The following MINPP1 variants were observed in gnomAD, a reference collection of about 807,000 sequenced individuals.
MINPP1 encodes the protein multiple inositol-polyphosphate phosphatase 1.
MINPP1 carries 28 observed loss-of-function variants against 46.1 expected under a neutral mutation model. That is an observed-to-expected ratio of 0.61 (90% confidence interval 0.45 to 0.83). MINPP1 has a LOEUF of 0.83. Ranked by LOEUF, MINPP1 falls within the 40% of genes least tolerant of loss-of-function variation. The pLI, the probability that MINPP1 is intolerant of heterozygous loss-of-function variation, is 0.00. For synonymous variants in MINPP1, 268 were observed against 249.1 expected (o/e 1.08, Z -0.72); for missense variants, 603 against 610.0 (o/e 0.99, Z 0.12).
Position 87,552,306 on chromosome 10 carries a change from A to T in MINPP1, c.1292A>T (p.Gln431Leu). 6.2e-7 allele frequency: 1 copy of T among 1,613,846 alleles called. No individual in the cohort carries two copies. Among genetic ancestry groups the T allele is most frequent in the Non-Finnish European group, 8.5e-7 (1 of 1,179,818 alleles). Residue 431 changes from glutamine to leucine, a missense_variant, in exon 5 of 5, where the codon CAA becomes CTA. Physicochemically the swap from Gln to Leu is moderately radical, Grantham distance 113. Coordinates refer to ENST00000371996, the MANE Select transcript of MINPP1 (RefSeq NM_004897.5). ...HCENAKTPKE[Q>L]FRVQMLLNEK... is the part of the protein sequence containing the mutation. ...GAAAATGCTAAGACTCCTAAAGAAC[A>T]ATTCCGAGTGCAGATGTTATTAAAT...
intron 3 of MINPP1, among the ~76,000 whole-genome samples, chr10:87,513,733 A>G (rs1037425751): frequency 2.6e-5 from 4 of 152,160 alleles, no homozygotes; most frequent in Admixed American, 6.5e-5. Context: ...CACTCTCTCT[A>G]CTATATTAGT....
chr10:87,508,538 T>A lies in MINPP1; in HGVS notation c.835+5T>A. 6.2e-7 allele frequency: 1 copy of A among 1,608,100 alleles called. No individual in the cohort carries two copies. Among genetic ancestry groups the A allele is most frequent in the East Asian group, 2.2e-5 (1 of 44,766 alleles). On this transcript the variant is annotated splice_donor_5th_base_variant and intron_variant, in intron 2 of 4. Transcript: ENST00000371996. Reference sequence around the variant, plus strand: ...CAGTAAATGATTTAAATGCAGGTAATATGTCTGTTGTCTTTTATTTGAACT... The same window carrying A: ...CAGTAAATGATTTAAATGCAGGTAAAATGTCTGTTGTCTTTTATTTGAACT...
In MINPP1 at chr10:87,521,063, CAA is replaced by C. The variant is rs1400230193; in HGVS notation, c.962_963del (p.Gln321LeufsTer11). On this transcript the variant is annotated frameshift_variant, in exon 4 of 5. Coordinates refer to ENST00000371996, the MANE Select transcript of MINPP1 (RefSeq NM_004897.5). LOFTEE classifies it high-confidence loss of function. ...ATTAGAATATTTAAATGATCTGAAA[CAA>C]TATTGGAAAAGAGGATATGGGTATA... ...KVLEYLNDLK[Q>X]YWKRGYGYTI... 1.6e-6 allele frequency: 2 copies of C among 1,254,838 alleles called. No individual in the cohort carries two copies. The highest frequency in any genetic ancestry group is 2.3e-6 in the Non-Finnish European group (2 of 858,616). The allele number at this position is 1,254,838 out of a possible 1,614,324, so 77.7% of individuals were successfully genotyped here.
At chr10:87,549,560 G>GA in intron 4 of MINPP1, among the ~76,000 whole-genome samples, 1 of 152,258 alleles carries the variant, frequency 6.6e-6, no homozygotes, top group South Asian at 2.1e-4. Context: ...ACACTTGGTA[G>GA]AAAAAAGAAT....
rs1047914765 is a variant in MINPP1 at position 87,553,252 on chromosome 10, C to T, written c.*774C>T. Reference sequence around the variant, plus strand: ...ACTTTTTCATTCTGTCACTTGGCTTCGATTTTTATATTTTCCTATTATATG... The same window carrying T: ...ACTTTTTCATTCTGTCACTTGGCTTTGATTTTTATATTTTCCTATTATATG... On this transcript the variant is annotated 3_prime_UTR_variant, in exon 5 of 5. Transcript: ENST00000371996. 1 of 151,922 alleles carries T rather than the reference C, an allele frequency of 6.6e-6. No homozygotes were observed. Among genetic ancestry groups the T allele is most frequent in the Non-Finnish European group, 1.5e-5 (1 of 67,958 alleles). The allele number at this position is 151,922 out of a possible 1,614,324, so 9.4% of individuals were successfully genotyped here.
chr10:87,522,611 T>G (rs530689781), intron 4 of MINPP1, among the ~76,000 whole-genome samples: 25 of 152,316 alleles, frequency 1.6e-4, no homozygotes, highest in Admixed American at 2.6e-4. Context: ...TAAAAATGCT[T>G]TATTACTAGG....
chr10:87,537,866 C>T (rs1055175259), intron 4 of MINPP1, among the ~76,000 whole-genome samples: 4 of 152,034 alleles, frequency 2.6e-5, no homozygotes, highest in Non-Finnish European at 4.4e-5. Flanking sequence ...ACCTCCCAGG[C>T]TCAGGCAATC....
intron 4 of MINPP1, among the ~76,000 whole-genome samples, chr10:87,530,757 G>C (rs12355742): frequency 0.38 from 57,979 of 152,110 alleles, 11,842 homozygotes; most frequent in Non-Finnish European, 0.47. Flanking sequence ...TAAGTCTGCA[G>C]AAGTTTCTGC....
intron 4 of MINPP1, among the ~76,000 whole-genome samples, chr10:87,523,620 G>T (rs1196120816): frequency 6.6e-6 from 1 of 151,272 alleles, no homozygotes; most frequent in Non-Finnish European, 1.5e-5. Context: ...GGCCTCCCAA[G>T]AAATTTATTT....
At chr10:87,547,670 C>T (rs1399829888) in intron 4 of MINPP1, among the ~76,000 whole-genome samples, 3 of 151,972 alleles carry the variant, frequency 2.0e-5, no homozygotes, top group Non-Finnish European at 4.4e-5. Flanking sequence ...TACTTGATAC[C>T]GTGTTTACCT....
At chr10:87,519,404 A>G (rs191288608) in intron 3 of MINPP1, among the ~76,000 whole-genome samples, 3 of 152,302 alleles carry the variant, frequency 2.0e-5, no homozygotes, top group Admixed American at 2.0e-4. Flanking sequence ...TGCATCTGTC[A>G]TACTTGAGCT....
chr10:87,509,688 A>G (rs1851307589), intron 2 of MINPP1: 2 of 313,750 alleles, frequency 6.4e-6, no homozygotes, highest in South Asian at 2.7e-5. Context: ...TGCCAGTTTT[A>G]TACATAAATG....
chr10:87,513,438 GA>G (rs1851365612), intron 3 of MINPP1, among the ~76,000 whole-genome samples: 1 of 152,036 alleles, frequency 6.6e-6, no homozygotes, highest in Admixed American at 6.5e-5. Context: ...AAAAACTCTG[GA>G]AACATTTTTT....
intron 4 of MINPP1, among the ~76,000 whole-genome samples, chr10:87,547,443 A>C (rs747722570): frequency 2.6e-5 from 4 of 152,200 alleles, no homozygotes; most frequent in Non-Finnish European, 4.4e-5. Context: ...GTGACTAAGA[A>C]GTGACTAAGT....
chr10:87,520,944 A>T (rs1156230564), intron 3 of MINPP1, 92 bp from the exon 4 acceptor site: 2 of 654,596 alleles, frequency 3.1e-6, no homozygotes, highest in Non-Finnish European at 5.3e-6. Flanking sequence ...GTAATTAAAC[A>T]TTGTAACCAT....
At chr10:87,529,937 G>A (rs921195760) in intron 4 of MINPP1, among the ~76,000 whole-genome samples, 6 of 151,802 alleles carry the variant, frequency 4.0e-5, no homozygotes, top group South Asian at 2.1e-4. Context: ...TTCTCTTCTC[G>A]CTTCATTTCA....
intron 2 of MINPP1, among the ~76,000 whole-genome samples, chr10:87,510,838 A>G (rs1021820170): frequency 6.6e-6 from 1 of 152,248 alleles, no homozygotes; most frequent in African/African-American, 2.4e-5. Flanking sequence ...GGGTTAACAC[A>G]CATGAATATT....
intron 4 of MINPP1, among the ~76,000 whole-genome samples, chr10:87,530,236 C>T (rs1468123515): frequency 6.6e-6 from 1 of 152,194 alleles, no homozygotes; most frequent in African/African-American, 2.4e-5. Context: ...CTCCGTCCAG[C>T]TTTGTTCCAT....
In MINPP1 at chr10:87,505,710, A is replaced by G. The variant is rs902639223; in HGVS notation, c.637+158A>G. Among the ~76,000 whole-genome samples the G allele has an allele frequency of 2.0e-5, 3 of 151,886 alleles. No individual in the cohort carries two copies. Among genetic ancestry groups the G allele is most frequent in the East Asian group, 2.0e-4 (1 of 5,128 alleles). The stretch of plus-strand genomic sequence containing the variant: ...CGGGCTACGTCCTCCCTGTCGAGGG[A>G]TATTACAGACTTGGCTATCTCTTTT... On this transcript the variant is annotated intron_variant, in intron 1 of 4. Coordinates refer to ENST00000371996, the MANE Select transcript of MINPP1 (RefSeq NM_004897.5). The surrounding 1 kb of genome is among the most constrained non-coding windows in gnomAD (Gnocchi z 4.4).
Sources: gnomAD v4.1 joint callset for allele counts (sites outside exome capture counted in the v4.1 genomes callset) on GRCh38, gnomAD v4.1.1 for gene constraint, Gnocchi (gnomAD v3.1) non-coding constraint, MANE v1.5 for transcripts, NCBI Gene and HGNC (gene_info 2026-07-23, HGNC 2026-07-21) for gene names.